AGBL1: variants seen among roughly 807,000 people sequenced by gnomAD.
AGBL1 encodes the protein AGBL carboxypeptidase 1, also known as cytosolic carboxypeptidase 4.
A neutral mutation model predicts 118.9 loss-of-function variants in AGBL1; 130 were observed. That is an observed-to-expected ratio of 1.09 (90% CI 0.95 to 1.26). The LOEUF is 1.26. Among genes scored for constraint, AGBL1 ranks in the 50% most tolerant of loss-of-function variants. The pLI is 0.00. For missense variants in AGBL1, 1,584 were observed against 1,298.1 expected, an observed-to-expected ratio of 1.22 and a Z score of -3.38; for synonymous variants, 555 against 478.9, an observed-to-expected ratio of 1.16 and a Z score of -2.08.
At chr15:87,026,977 G>T (rs1169327106) in intron 24 of AGBL1, among the ~76,000 whole-genome samples, 5 of 151,978 alleles carry the variant, frequency 3.3e-5, no homozygotes, top group Non-Finnish European at 7.4e-5. Context: ...GGACTTTGGG[G>T]ACTCAGGGAA....
chr15:86,257,884 C>G (rs565147721), intron 8 of AGBL1, 80 bp from the exon 9 acceptor site: 1 of 1,374,892 alleles, frequency 7.3e-7, no homozygotes, highest in South Asian at 1.3e-5. Context: ...AAGAAAGAAC[C>G]ACTGTATGGT....
intron 23 of AGBL1, among the ~76,000 whole-genome samples, chr15:86,955,315 T>C (rs1262381348): frequency 6.6e-6 from 1 of 152,020 alleles, no homozygotes; most frequent in Non-Finnish European, 1.5e-5. Context: ...AGAATCACAA[T>C]GAAAACCCTG....
chr15:86,494,174 G>C (rs2082818362), intron 18 of AGBL1, among the ~76,000 whole-genome samples: 1 of 151,984 alleles, frequency 6.6e-6, no homozygotes, highest in Admixed American at 6.6e-5. Flanking sequence ...TGAGGTCCTG[G>C]CTATAAAGTG....
chr15:86,094,443 A>C (rs572309468), intron 1 of AGBL1, among the ~76,000 whole-genome samples: 2 of 152,278 alleles, frequency 1.3e-5, no homozygotes, highest in South Asian at 4.1e-4. Flanking sequence ...GATGTTTTGT[A>C]GCTTCCCTGG....
At chr15:86,219,573 CA>C (rs1470596423) in intron 5 of AGBL1, among the ~76,000 whole-genome samples, 1 of 151,900 alleles carries the variant, frequency 6.6e-6, no homozygotes, top group Non-Finnish European at 1.5e-5. Context: ...CCTAATTTAG[CA>C]ACTCAGTCCT....
chr15:86,255,569 G>A (rs751924756), intron 7 of AGBL1, among the ~76,000 whole-genome samples: 7 of 152,262 alleles, frequency 4.6e-5, no homozygotes, highest in African/African-American at 1.7e-4. Flanking sequence ...TTTATCCTGA[G>A]GTCAGGAGTT....
chr15:86,251,679 A>G (rs2033707306), intron 7 of AGBL1, among the ~76,000 whole-genome samples: 1 of 152,132 alleles, frequency 6.6e-6, no homozygotes, highest in South Asian at 2.1e-4. Flanking sequence ...ACGTTTCTGC[A>G]CAGATTCTGT....
chr15:86,353,377 C>T (rs1472384), intron 17 of AGBL1, among the ~76,000 whole-genome samples: 1 of 152,270 alleles, frequency 6.6e-6, no homozygotes, highest in Non-Finnish European at 1.5e-5. Context: ...AAGCAATATT[C>T]TTAATAGCGA....
chr15:86,565,511 C>T (rs572629794), intron 21 of AGBL1, among the ~76,000 whole-genome samples: 1 of 152,202 alleles, frequency 6.6e-6, no homozygotes, highest in African/African-American at 2.4e-5. Context: ...CAGAGGGGTA[C>T]CCAGCCATGT....
chr15:86,547,023 G>A (rs1474581091), intron 20 of AGBL1, among the ~76,000 whole-genome samples: 2 of 152,070 alleles, frequency 1.3e-5, no homozygotes, highest in African/African-American at 4.8e-5. Flanking sequence ...CATTTCACCT[G>A]GAAATACATC....
At chr15:86,597,161 A>ATCCATCCG (rs2084422339) in intron 21 of AGBL1, among the ~76,000 whole-genome samples, 1 of 151,744 alleles carries the variant, frequency 6.6e-6, no homozygotes, top group African/African-American at 2.4e-5. Context: ...CCATCCATCC[A>ATCCATCCG]TCCATCCATC....
intron 23 of AGBL1, among the ~76,000 whole-genome samples, chr15:86,928,343 G>C (rs185206581): frequency 2.6e-5 from 4 of 152,276 alleles, no homozygotes; most frequent in Non-Finnish European, 5.9e-5. Context: ...CGGTGGAAGG[G>C]ACCAGGGAGG....
intron 22 of AGBL1, among the ~76,000 whole-genome samples, chr15:86,708,296 G>A (rs1400921171): frequency 6.6e-6 from 1 of 152,030 alleles, no homozygotes; most frequent in Admixed American, 6.6e-5. Context: ...ATCTCATAAG[G>A]TTAGTGTCCT....
intron 17 of AGBL1, among the ~76,000 whole-genome samples, chr15:86,330,049 C>T (rs2080245631): frequency 6.6e-6 from 1 of 152,214 alleles, no homozygotes; most frequent in African/African-American, 2.4e-5. Flanking sequence ...TTGGATTCTC[C>T]CTCTGCACTG....
At chr15:86,270,206 G>A in intron 14 of AGBL1, 139 bp downstream of exon 14, 1 of 1,154,996 alleles carries the variant, frequency 8.7e-7, no homozygotes. Flanking sequence ...GTGCAGCAAG[G>A]CAGGCAGTGG....
At chr15:86,480,667 G>T (rs934064850) in intron 18 of AGBL1, among the ~76,000 whole-genome samples, 1 of 151,950 alleles carries the variant, frequency 6.6e-6, no homozygotes, top group African/African-American at 2.4e-5. Flanking sequence ...ATATACATAT[G>T]AGAGGGAAGA....
intron 18 of AGBL1, among the ~76,000 whole-genome samples, chr15:86,420,801 T>C (rs1396105628): frequency 6.6e-6 from 1 of 152,120 alleles, no homozygotes; most frequent in Non-Finnish European, 1.5e-5. Flanking sequence ...GCAGGAGAAC[T>C]TCATGAAGCA....
At chr15:86,346,556 A>T (rs1312502135) in intron 17 of AGBL1, among the ~76,000 whole-genome samples, 1 of 151,062 alleles carries the variant, frequency 6.6e-6, no homozygotes, top group Non-Finnish European at 1.5e-5. Flanking sequence ...TCACCATGTT[A>T]GCCAGGATGG....
At chr15:86,283,380 G>C (rs1018332007) in intron 16 of AGBL1, among the ~76,000 whole-genome samples, 20 of 152,084 alleles carry the variant, frequency 1.3e-4, no homozygotes, top group Middle Eastern at 3.4e-3. Flanking sequence ...ATGTATTGGG[G>C]GAGCTTAAGG....
Sources: allele counts gnomAD v4.1 joint callset (sites outside exome capture counted in the v4.1 genomes callset), GRCh38; gene constraint gnomAD v4.1.1; transcripts MANE v1.5; gene names NCBI Gene and HGNC (gene_info 2026-07-23, HGNC 2026-07-21).